The following SCLY variants were observed in gnomAD, a reference collection of about 807,000 sequenced individuals.
SCLY encodes putative selenocysteine lyase.
A neutral mutation model predicts 50.1 loss-of-function variants in SCLY; 38 were observed. The ratio of observed to expected loss-of-function variants is 0.76; its 90% CI spans 0.59 to 0.99. The LOEUF is 0.99. SCLY is among the 50% of genes least tolerant of loss of function. The pLI is 0.00. For missense variants in SCLY, 600 were observed against 620.0 expected (o/e 0.97, Z 0.34); for synonymous variants, 243 against 249.4 (o/e 0.97, Z 0.24).
chr2:238,061,277 C>T (rs1400490286), intron 1 of SCLY, 134 bp downstream of exon 1: 2 of 756,524 alleles, frequency 2.6e-6, no homozygotes, highest in Non-Finnish European at 4.7e-6. Flanking sequence ...TCCGCGAGGT[C>T]GGCCTAAGTC....
chr2:238,083,025 G>A lies in SCLY; in HGVS notation c.778-223G>A, dbSNP rs759756036. The stretch of plus-strand genomic sequence containing the variant: ...CTGCCTGCCACAGAGCTGAGCACGA[G>A]AGTCTAGCACCTGCGCTGCCTCCTA... On this transcript the variant is annotated intron_variant, in intron 6 of 11. Coordinates refer to ENST00000254663, the MANE Select transcript of SCLY (RefSeq NM_016510.7). The surrounding 1 kb of genome is among the most constrained non-coding windows in gnomAD (Gnocchi z 4.3). 27 of 624,348 alleles carry A rather than the reference G, an allele frequency of 4.3e-5. No homozygotes were observed. In the African/African-American group the frequency reaches 4.4e-4, roughly 10 times the overall value. 38.7% of individuals were successfully genotyped at this position (624,348 alleles called of 1,614,324 possible).
intron 4 of SCLY, among the ~76,000 whole-genome samples, chr2:238,074,231 G>A (rs376666473): frequency 7.2e-5 from 11 of 151,930 alleles, no homozygotes; most frequent in East Asian, 3.9e-4. Context: ...ACTTGAACCC[G>A]GAAGGCGGAG....
intron 10 of SCLY, among the ~76,000 whole-genome samples, chr2:238,095,278 G>C (rs116106671): frequency 6.6e-6 from 1 of 152,070 alleles, no homozygotes; most frequent in African/African-American, 2.4e-5. Context: ...CATCTGCCTC[G>C]GCTAGGAGCA....
chr2:238,097,106 TG>T (rs1471496584), intron 11 of SCLY, among the ~76,000 whole-genome samples: 6 of 147,892 alleles, frequency 4.1e-5, no homozygotes, highest in Admixed American at 6.9e-5. Flanking sequence ...TGCTCAGTTC[TG>T]AAGGCGGAGG....
rs534784243 is a variant in SCLY at position 238,095,590 on chromosome 2, T to C, written c.1108+1068T>C. The C allele has an allele frequency of 2.0e-5, 3 of 152,320 alleles. No individual in the cohort carries two copies. The South Asian group carries it at 6.2e-4, about 32-fold the overall frequency. The allele number at this position is 152,320 out of a possible 1,614,324, so 9.4% of individuals were successfully genotyped here. On this transcript the variant is annotated intron_variant, in intron 10 of 11. Coordinates refer to ENST00000254663, the MANE Select transcript of SCLY (RefSeq NM_016510.7). ...GAGAACCTGGGCTGAAATGCGTTCT[T>C]GTGGGCAGTGAAGCCTGGGTCTCCT...
chr2:238,061,041 G>C lies in SCLY; in HGVS notation c.-14G>C. 7.3e-7 allele frequency: 1 copy of C among 1,373,478 alleles called. No individual in the cohort carries two copies. Among genetic ancestry groups the C allele is most frequent in the Non-Finnish European group, 9.3e-7 (1 of 1,071,694 alleles). The allele number at this position is 1,373,478 out of a possible 1,614,324, so 85.1% of individuals were successfully genotyped here. A position where few individuals can be genotyped will look rare whatever the true frequency, so the allele number is the denominator to read the frequency against. On this transcript the variant is annotated 5_prime_UTR_variant, in exon 1 of 12. Transcript: ENST00000254663. ...CGGGAAGGAGGCTGGATGCCCGGCA[G>C]CAGTGGGGCGGGGATGGAGGCGGCC...
chr2:238,093,718 G>T, intron 8 of SCLY, 143 bp from the exon 9 acceptor site: 1 of 765,358 alleles, frequency 1.3e-6, no homozygotes, highest in African/African-American at 1.7e-5. Flanking sequence ...CCTCCAAATG[G>T]CAGCACTCAA....
At chr2:238,075,104 GGT>G (rs1489337130) in intron 4 of SCLY, among the ~76,000 whole-genome samples, 1 of 151,924 alleles carries the variant, frequency 6.6e-6, no homozygotes, top group Admixed American at 6.6e-5. Context: ...TGGTTTGTTG[GGT>G]GTTTTTATCA....
chr2:238,091,470 ACTC>A (rs1041884483), intron 8 of SCLY: 1 of 568,854 alleles, frequency 1.8e-6, no homozygotes, highest in Non-Finnish European at 3.2e-6. Context: ...AAAGGGAAAA[ACTC>A]CTTGTCTGTG....
chr2:238,079,026 C>G (rs1448470343), intron 4 of SCLY: 1 of 141,682 alleles, frequency 7.1e-6, no homozygotes, highest in Non-Finnish European at 1.6e-5. Context: ...CCTGTCTTTT[C>G]TTTCTTTCCT....
chr2:238,071,816 A>G (rs2065130604), intron 4 of SCLY, among the ~76,000 whole-genome samples: 1 of 152,204 alleles, frequency 6.6e-6, no homozygotes, highest in Non-Finnish European at 1.5e-5. Context: ...TTGGACCTTC[A>G]TAAGCCTTCC....
intron 4 of SCLY, among the ~76,000 whole-genome samples, chr2:238,074,886 A>AC (rs1337805739): frequency 6.6e-6 from 1 of 152,144 alleles, no homozygotes; most frequent in Non-Finnish European, 1.5e-5. Flanking sequence ...TTGTTGTCCA[A>AC]CTTGTATTTC....
intron 6 of SCLY, chr2:238,082,621 G>A (rs879704532): frequency 1.6e-5 from 3 of 189,492 alleles, no homozygotes; most frequent in Non-Finnish European, 3.3e-5. Flanking sequence ...TTTCAGATGC[G>A]GCTCCTCAGC....
chr2:238,066,473 C>T lies in SCLY; in HGVS notation c.203-1592C>T, dbSNP rs572123422. Reference sequence around the variant, plus strand: ...GCACCCTGTTGGGGGAGGGATGAAGCACGGTGCCCAAAATGTATTTGGGTT... The same window carrying T: ...GCACCCTGTTGGGGGAGGGATGAAGTACGGTGCCCAAAATGTATTTGGGTT... On this transcript the variant is annotated intron_variant, in intron 2 of 11. Transcript: ENST00000254663. This position sits in a 1 kb window ranked among gnomAD's most constrained non-coding sequence, Gnocchi z 4.1. 6.6e-6 allele frequency among the ~76,000 whole-genome samples: 1 copy of T among 152,298 alleles called. No individual in the cohort carries two copies. Among genetic ancestry groups the T allele is most frequent in the East Asian group, 1.9e-4 (1 of 5,186 alleles).
At chr2:238,081,096 GAGCCACTGC>G in intron 4 of SCLY, 1 of 152,594 alleles carries the variant, frequency 6.6e-6, no homozygotes, top group Admixed American at 6.5e-5. Flanking sequence ...CTTCCAAAGT[GAGCCACTGC>G]GCCTGGCCAG....
At chr2:238,085,157 T>C (rs2065280519) in intron 7 of SCLY, among the ~76,000 whole-genome samples, 1 of 152,108 alleles carries the variant, frequency 6.6e-6, no homozygotes, top group Admixed American at 6.5e-5. Flanking sequence ...GTTAAAATTA[T>C]CTAACAAATA....
chr2:238,075,488 A>G (rs2262425), intron 4 of SCLY, among the ~76,000 whole-genome samples: 130,927 of 152,148 alleles, frequency 0.86, 56,480 homozygotes, highest in East Asian at 0.97. Flanking sequence ...GAGTTTGCCA[A>G]TGACAACATC....
intron 4 of SCLY, among the ~76,000 whole-genome samples, chr2:238,075,398 A>G (rs1217918932): frequency 6.6e-6 from 1 of 152,220 alleles, no homozygotes; most frequent in African/African-American, 2.4e-5. Context: ...CATATAAATC[A>G]TGGGAAGTGT....
Position 238,093,960 on chromosome 2 carries a change from G to A in SCLY, c.1005+16G>A, listed in dbSNP as rs776027407. The A allele has an allele frequency of 4.3e-6, 7 of 1,610,336 alleles. No homozygotes were observed. The Admixed American group carries it at 8.4e-5, about 19-fold the overall frequency. Reference sequence around the variant, plus strand: ...GAGGCTGGAAGTGAGCGCAGCGTGGGGTGGGCACCAGGAGGGGGAGGGTGC... The same window carrying A: ...GAGGCTGGAAGTGAGCGCAGCGTGGAGTGGGCACCAGGAGGGGGAGGGTGC... On this transcript the variant is annotated intron_variant, in intron 9 of 11. Transcript: ENST00000254663.
Sources: allele counts gnomAD v4.1 joint callset (sites outside exome capture counted in the v4.1 genomes callset), GRCh38; gene constraint gnomAD v4.1.1; non-coding constraint Gnocchi (gnomAD v3.1); transcripts MANE v1.5; gene names NCBI Gene and HGNC (gene_info 2026-07-23, HGNC 2026-07-21).